Variants in RIMS2 observed in about 807,000 individuals in gnomAD.
RIMS2 encodes regulating synaptic membrane exocytosis protein 2.
RIMS2 carries 59 observed loss-of-function variants against 174.4 expected under a neutral mutation model. That is an observed-to-expected ratio of 0.34 (90% CI 0.27 to 0.42). RIMS2 has a LOEUF of 0.42. RIMS2 is among the 10% of genes least tolerant of loss of function. The probability of loss-of-function intolerance (pLI) is 1.00; values close to 1 mark genes in which losing one functional copy is unlikely to be tolerated. For synonymous variants in RIMS2, 606 were observed against 572.5 expected, an observed-to-expected ratio of 1.06 and a Z score of -0.84; for missense variants, 1,620 against 1,666.3, an observed-to-expected ratio of 0.97 and a Z score of 0.48.
intron 3 of RIMS2, among the ~76,000 whole-genome samples, chr8:103,803,434 G>A (rs1046211917): frequency 1.3e-5 from 2 of 151,752 alleles, no homozygotes; most frequent in African/African-American, 2.4e-5. Flanking sequence ...TGTTTATGTG[G>A]ATTATATTTA....
intron 19 of RIMS2, among the ~76,000 whole-genome samples, chr8:104,015,710 G>A (rs990568599): frequency 1.3e-5 from 2 of 152,028 alleles, no homozygotes; most frequent in Non-Finnish European, 2.9e-5. Context: ...CAGATAAAAT[G>A]TGCTCTTTCA....
chr8:103,912,976 T>G (rs1002350383), intron 6 of RIMS2, among the ~76,000 whole-genome samples: 3 of 144,620 alleles, frequency 2.1e-5, no homozygotes, highest in African/African-American at 5.1e-5. Context: ...TGTTGTTTTT[T>G]TTTTTTTTTT....
At position 103,980,399 on chromosome 8, in the gene RIMS2, C is replaced by T. The variant is rs115070836; in HGVS notation, c.2927+4893C>T. ...GGATTAATCACCTGCTGAATAAAGA[C>T]CCCCTGGGCGCTGAATAACCAGCAA... On this transcript the variant is annotated intron_variant, in intron 16 of 23. Coordinates refer to ENST00000504942, the Ensembl canonical transcript of RIMS2. 2.0e-3 allele frequency among the ~76,000 whole-genome samples: 305 copies of T among 152,238 alleles called. 1 individual carries two copies. Among genetic ancestry groups the T allele is most frequent in the African/African-American group, 6.9e-3 (285 of 41,550 alleles).
At chr8:103,910,619 A>G (rs1594977444) in intron 5 of RIMS2, 90 bp downstream of exon 8, 1 of 727,062 alleles carries the variant, frequency 1.4e-6, no homozygotes, top group South Asian at 1.7e-5. Flanking sequence ...TAATAAAAGG[A>G]CAGGGCATCT....
At chr8:103,769,376 T>A (rs1443284873) in intron 3 of RIMS2, among the ~76,000 whole-genome samples, 8 of 152,184 alleles carry the variant, frequency 5.3e-5, no homozygotes, top group Admixed American at 5.2e-4. Context: ...CAGACTGGAG[T>A]GCAGTGCCAT....
intron 2 of RIMS2, among the ~76,000 whole-genome samples, chr8:103,704,165 T>C (rs1043538430): frequency 5.4e-5 from 8 of 149,224 alleles, no homozygotes; most frequent in Non-Finnish European, 1.5e-5. Context: ...TTCTTTTATA[T>C]CTAGTATGTT....
intron 1 of RIMS2, among the ~76,000 whole-genome samples, chr8:103,632,444 G>A (rs150664580): frequency 1.6e-3 from 247 of 152,106 alleles, no homozygotes; most frequent in African/African-American, 4.5e-3. Context: ...TTTTTGAGGC[G>A]GAGTCTTGCT....
chr8:104,203,494 CTTTT>C (rs10545100), intron 19 of RIMS2, among the ~76,000 whole-genome samples: 59 of 72,784 alleles, frequency 8.1e-4, no homozygotes, highest in African/African-American at 2.0e-3. Context: ...AGACACTGTA[CTTTT>C]TTTTTTTTTT....
intron 19 of RIMS2, among the ~76,000 whole-genome samples, chr8:104,195,514 C>CT (rs34923122): frequency 3.1e-3 from 350 of 111,762 alleles, no homozygotes; most frequent in African/African-American, 0.01. Context: ...ATTTTATCTC[C>CT]TTTTTTTTTT....
At chr8:103,971,691 C>A (rs1165045661) in intron 15 of RIMS2, among the ~76,000 whole-genome samples, 1 of 152,026 alleles carries the variant, frequency 6.6e-6, no homozygotes, top group East Asian at 1.9e-4. Flanking sequence ...TCTGCCTCAG[C>A]CTCCCGAGTA....
chr8:103,806,332 C>T (rs1241871899), intron 3 of RIMS2, among the ~76,000 whole-genome samples: 1 of 152,048 alleles, frequency 6.6e-6, no homozygotes, highest in East Asian at 1.9e-4. Flanking sequence ...ATTTTAAATT[C>T]CAAGGACCCT....
At chr8:103,557,184 C>A (rs145355067) in intron 1 of RIMS2, among the ~76,000 whole-genome samples, 2 of 152,186 alleles carry the variant, frequency 1.3e-5, no homozygotes, top group South Asian at 2.1e-4. Context: ...CTCATTGTCT[C>A]TCTTCTTTTT....
At chr8:103,573,213 G>A (rs542600787) in intron 1 of RIMS2, among the ~76,000 whole-genome samples, 2 of 151,472 alleles carry the variant, frequency 1.3e-5, no homozygotes. Flanking sequence ...ATGCCACCAC[G>A]CCCAGCTAAT....
At chr8:103,997,674 A>G (rs961147399) in intron 17 of RIMS2, among the ~76,000 whole-genome samples, 1 of 151,682 alleles carries the variant, frequency 6.6e-6, no homozygotes, top group Non-Finnish European at 1.5e-5. Flanking sequence ...AATAAATACA[A>G]TTAATAATCA....
intron 1 of RIMS2, among the ~76,000 whole-genome samples, chr8:103,664,141 A>G (rs1033803350): frequency 6.6e-6 from 1 of 152,258 alleles, no homozygotes; most frequent in East Asian, 1.9e-4. Flanking sequence ...AGATGGATTA[A>G]AGACTTCAAT....
intron 19 of RIMS2, among the ~76,000 whole-genome samples, chr8:104,041,045 G>A (rs991537354): frequency 7.9e-5 from 12 of 151,638 alleles, no homozygotes; most frequent in African/African-American, 2.9e-4. Flanking sequence ...TTCAGGATTT[G>A]CTGTACGTAA....
chr8:103,713,078 G>A (rs2097327160), intron 2 of RIMS2, among the ~76,000 whole-genome samples: 1 of 151,344 alleles, frequency 6.6e-6, no homozygotes, highest in Admixed American at 6.6e-5. Flanking sequence ...TAGTGCAGTG[G>A]TGCAATCTTG....
chr8:103,977,883 A>C (rs1340039546), intron 16 of RIMS2, among the ~76,000 whole-genome samples: 1 of 152,220 alleles, frequency 6.6e-6, no homozygotes, highest in African/African-American at 2.4e-5. Context: ...AGATTTGGGC[A>C]ACCTGGAAAC....
In RIMS2 at chr8:103,967,542, G is replaced by A. The variant is rs528396728; in HGVS notation, c.2770+6409G>A. On this transcript the variant is annotated intron_variant, in intron 15 of 23. Transcript: ENST00000504942. ...GGGTCTGGCTCTGTCACCCAGGCTG[G>A]AATGCAGTGGTGCAATCTTGGCTCA... 3.2e-3 allele frequency among the ~76,000 whole-genome samples: 481 copies of A among 151,378 alleles called. 4 individuals carry two copies. Among genetic ancestry groups the A allele is most frequent in the Non-Finnish European group, 3.5e-3 (237 of 67,828 alleles).
Sources: allele counts gnomAD v4.1 joint callset (sites outside exome capture counted in the v4.1 genomes callset), GRCh38; gene constraint gnomAD v4.1.1; transcripts MANE v1.5; gene names NCBI Gene and HGNC (gene_info 2026-07-23, HGNC 2026-07-21).